Variants in WRN observed in about 807,000 individuals in gnomAD.
WRN encodes bifunctional 3'-5' exonuclease/ATP-dependent helicase WRN.
A neutral mutation model predicts 180.7 loss-of-function variants in WRN; 149 were observed. That is an observed-to-expected ratio of 0.82 (90% CI 0.72 to 0.94). The LOEUF (loss-of-function observed/expected upper bound fraction) is 0.94, where lower values mean the gene tolerates loss of function less well. Among genes scored for constraint, WRN ranks in the 40% least tolerant of loss-of-function variants. The pLI, the probability that WRN is intolerant of heterozygous loss-of-function variation, is 0.00. For missense variants in WRN, 1,661 were observed against 1,700.1 expected (o/e 0.98, Z 0.40); for synonymous variants, 548 against 568.9 (o/e 0.96, Z 0.52).
At chr8:31,170,543 T>A (rs1804063321) in intron 34 of WRN, among the ~76,000 whole-genome samples, 1 of 152,328 alleles carries the variant, frequency 6.6e-6, no homozygotes, top group East Asian at 1.9e-4. Context: ...ATAAATGAAA[T>A]TAAATGTGAA....
intron 23 of WRN, among the ~76,000 whole-genome samples, chr8:31,126,645 T>C (rs1255356497): frequency 6.6e-6 from 1 of 152,048 alleles, no homozygotes; most frequent in Non-Finnish European, 1.5e-5. Flanking sequence ...CATAAGTCAA[T>C]GAATAGAAAA....
intron 27 of WRN, among the ~76,000 whole-genome samples, chr8:31,143,059 TCTCTC>T (rs386724140): frequency 7.7e-5 from 5 of 64,986 alleles, no homozygotes; most frequent in African/African-American, 2.6e-4. Context: ...ACACACATTC[TCTCTC>T]TCTCTCTCTC....
rs1304095043 is a variant in WRN, at chr8:31,157,525, A to G, written c.3977A>G (p.Asn1326Ser). 8 of 1,613,928 alleles carry G rather than the reference A, an allele frequency of 5.0e-6. No homozygotes were observed. The African/African-American group carries it at 8.0e-5, about 16-fold the overall frequency. The change falls in exon 33 of 35, where the codon AAC (asparagine) becomes AGC (serine). Residue 1326 changes from asparagine (N) to serine (S), a missense_variant. By Grantham distance (46) the Asn-to-Ser change is conservative. Around this residue, in one of 3 missense-constraint regions of WRN, gnomAD observed 1,141 missense variants for 1,149.4 expected, o/e 0.99. Transcript: ENST00000298139. The part of the protein sequence containing the change: ...IADVIRNPPV[N>S]SDMSKISLIR... ...GATGTTATCCGAAACCCTCCCGTCA[A>G]CTCAGGTGAGAGGCATGGCCTAGCT...
chr8:31,164,247 C>T (rs1433852835), intron 33 of WRN, among the ~76,000 whole-genome samples: 1 of 152,068 alleles, frequency 6.6e-6, no homozygotes, highest in Non-Finnish European at 1.5e-5. Flanking sequence ...TTTTTGTTCT[C>T]TTACTGGAGA....
chr8:31,105,763 A>G (rs542904690), intron 18 of WRN, among the ~76,000 whole-genome samples: 12 of 152,324 alleles, frequency 7.9e-5, no homozygotes, highest in Admixed American at 3.3e-4. Flanking sequence ...TCCAGCCTAC[A>G]GTTTTAAATA....
At position 31,081,283 on chromosome 8, in the gene WRN, A is replaced by G. The variant is rs776098344; in HGVS notation, c.1256A>G (p.Tyr419Cys). 2 of 1,613,504 alleles carry G rather than the reference A, an allele frequency of 1.2e-6. No individual in the cohort carries two copies. The highest frequency in any genetic ancestry group is 1.7e-5 in the Admixed American group (1 of 59,982). ...GAAGAATATCTTAGTGATATTGCTT[A>G]TAAATCTACTGAGGTACTAAATAAA... is the stretch of plus-strand genomic sequence containing the variant. Reference protein sequence around the residue: ...SQEEYLSDIAYKSTEHLSPND... With the variant: ...SQEEYLSDIACKSTEHLSPND... The change falls in exon 9 of 35, where the codon TAT becomes TGT. Residue 419 changes from tyrosine to cysteine, a missense_variant. Around this residue, in one of 3 missense-constraint regions of WRN, gnomAD observed 500 missense variants for 504.1 expected, o/e 0.99. Transcript: ENST00000298139.
At chr8:31,139,836 G>A (rs977502869) in intron 24 of WRN, among the ~76,000 whole-genome samples, 1 of 152,092 alleles carries the variant, frequency 6.6e-6, no homozygotes, top group African/African-American at 2.4e-5. Flanking sequence ...AACCCTAGCT[G>A]AAAGGGAGTT....
chr8:31,154,384 A>G (rs998362937), intron 31 of WRN, among the ~76,000 whole-genome samples: 2 of 152,172 alleles, frequency 1.3e-5, no homozygotes, highest in Non-Finnish European at 2.9e-5. Context: ...AGAAAAGACT[A>G]GGAAATGTTT....
chr8:31,108,536 T>C (rs1026253638), intron 18 of WRN, among the ~76,000 whole-genome samples: 2 of 151,892 alleles, frequency 1.3e-5, no homozygotes, highest in African/African-American at 4.8e-5. Context: ...ACTAGCACAA[T>C]CCAGTGAAAC....
At chr8:31,088,584 A>G (rs1205003232) in intron 12 of WRN, among the ~76,000 whole-genome samples, 1 of 152,084 alleles carries the variant, frequency 6.6e-6, no homozygotes, top group African/African-American at 2.4e-5. Context: ...TTGGATTGGT[A>G]TATTGCTTGC....
chr8:31,048,266 A>G (rs1811944464), intron 1 of WRN, among the ~76,000 whole-genome samples: 2 of 152,206 alleles, frequency 1.3e-5, no homozygotes, highest in African/African-American at 2.4e-5. Context: ...GGAAGTTAAG[A>G]TTAGCAGAAA....
At position 31,037,578 on chromosome 8, in the gene WRN, T is replaced by G. The variant is rs10090280; in HGVS notation, c.-77+3605T>G. On this transcript the variant is annotated intron_variant, in intron 1 of 34. Coordinates refer to ENST00000298139, the MANE Select transcript of WRN (RefSeq NM_000553.6). ...AGTTGATGCTGTATGTGGTGAGAGA[T>G]AATTGACTACTTTCATTCTTTTGCA... 4.6e-3 allele frequency among the ~76,000 whole-genome samples: 707 copies of G among 152,360 alleles called. 4 individuals carry two copies. Among genetic ancestry groups the G allele is most frequent in the African/African-American group, 0.017 (690 of 41,580 alleles).
rs1291852091 is a variant in WRN at position 31,155,638 on chromosome 8, A to G, written c.3819+883A>G. ...CTCGGTCTCCAAAAAAAAAAAAAAA[A>G]AAGACCATATGTAATGTTTCTTCAT... On this transcript the variant is annotated intron_variant, in intron 32 of 34. Transcript: ENST00000298139. 3.3e-5 allele frequency among the ~76,000 whole-genome samples: 5 copies of G among 152,058 alleles called. No individual in the cohort carries two copies. The East Asian group carries it at 9.7e-4, about 29-fold the overall frequency.
chr8:31,119,849 TA>T (rs1202686767), intron 20 of WRN: 3 of 188,680 alleles, frequency 1.6e-5, no homozygotes, highest in Middle Eastern at 2.2e-3. Context: ...CCACCATCTT[TA>T]ATGAGAAGCT....
At chr8:31,047,273 G>A (rs1811904689) in intron 1 of WRN, among the ~76,000 whole-genome samples, 1 of 151,668 alleles carries the variant, frequency 6.6e-6, no homozygotes, top group Non-Finnish European at 1.5e-5. Flanking sequence ...CTCCCAAGTA[G>A]CTGGGACTAC....
intron 33 of WRN, among the ~76,000 whole-genome samples, chr8:31,158,318 G>A (rs1445979600): frequency 6.6e-6 from 1 of 152,110 alleles, no homozygotes; most frequent in East Asian, 1.9e-4. Context: ...TACGTAGAAG[G>A]ATTTCCTGTC....
At chr8:31,072,937 A>T (rs1812965571) in intron 7 of WRN, among the ~76,000 whole-genome samples, 1 of 152,140 alleles carries the variant, frequency 6.6e-6, no homozygotes, top group South Asian at 2.1e-4. Flanking sequence ...GCTCTTTTGG[A>T]GGAACAGTAC....
chr8:31,081,372 A>G (rs1372403732), intron 9 of WRN, 76 bp downstream of exon 9: 6 of 1,499,716 alleles, frequency 4.0e-6, no homozygotes, highest in Non-Finnish European at 5.5e-6. Flanking sequence ...AGAGACAGAT[A>G]GTAAATATTT....
chr8:31,054,746 A>T (rs939038314), intron 1 of WRN, among the ~76,000 whole-genome samples: 1 of 150,630 alleles, frequency 6.6e-6, no homozygotes, highest in Admixed American at 6.6e-5. Flanking sequence ...AAAAACATTA[A>T]TTTTATTTTA....
Sources: gnomAD v4.1 joint callset for allele counts (sites outside exome capture counted in the v4.1 genomes callset) on GRCh38, gnomAD v4.1.1 for gene constraint, gnomAD v4.1.1 regional missense constraint, MANE v1.5 for transcripts, NCBI Gene and HGNC (gene_info 2026-07-23, HGNC 2026-07-21) for gene names.